ABCB6: variants seen among roughly 807,000 people sequenced by gnomAD.
The protein encoded by ABCB6 is ATP-binding cassette sub-family B member 6.
A neutral mutation model predicts 99.4 loss-of-function variants in ABCB6; 87 were observed. The ratio of observed to expected loss-of-function variants is 0.88; its 90% CI spans 0.74 to 1.05. ABCB6 has a LOEUF of 1.05. Ranked by LOEUF, ABCB6 falls within the 50% of genes least tolerant of loss-of-function variation. ABCB6 has a pLI of 0.00. For missense variants in ABCB6, 1,050 were observed against 1,097.9 expected (o/e 0.96, Z 0.62); for synonymous variants, 482 against 447.5 (o/e 1.08, Z -0.97).
At position 219,213,165 on chromosome 2, in the gene ABCB6, G is replaced by A. The variant is rs1301539679; in HGVS notation, c.1805+76C>T. 1.0e-5 allele frequency: 16 copies of A among 1,605,172 alleles called. No individual in the cohort carries two copies. The South Asian group carries it at 1.3e-4, about 13-fold the overall frequency. ...GCCCAGGCTCTTTTCCAAAAGCAGG[G>A]ATTCAGAGCACTGAGAAGCAGGAAG... On this transcript the variant is annotated intron_variant, in intron 12 of 18. Coordinates refer to ENST00000265316, the MANE Select transcript of ABCB6 (RefSeq NM_005689.4).
chr2:219,213,479 T>A lies in ABCB6; in HGVS notation c.1679A>T (p.Asp560Val), dbSNP rs1950602598. ...YYRMIQTNFI[D>V]MENMFDLLKE... Reference sequence around the variant, plus strand: ...CAGCAAGTCAAACATGTTCTCCATGTCAATGAAGTTGGTCTGGATCATCCT... The same window carrying A: ...CAGCAAGTCAAACATGTTCTCCATGACAATGAAGTTGGTCTGGATCATCCT... Residue 560 changes from aspartate to valine, a missense_variant, in exon 11 of 19, where the codon GAC becomes GTC. Coordinates refer to ENST00000265316, the MANE Select transcript of ABCB6 (RefSeq NM_005689.4). The A allele has an allele frequency of 1.2e-6, 2 of 1,614,086 alleles. No individual in the cohort carries two copies. Among genetic ancestry groups the A allele is most frequent in the South Asian group, 1.1e-5 (1 of 91,090 alleles).
rs1312320857 is a variant in ABCB6, at chr2:219,216,813, T to C, written c.707A>G (p.Gln236Arg). 1.2e-6 allele frequency: 2 copies of C among 1,612,650 alleles called. No homozygotes were observed. The highest frequency in any genetic ancestry group is 1.3e-5 in the African/African-American group (1 of 74,890). ...CCTGCCAAAATCTCGCCAGGTAGAC[T>C]GTTGGGCTGCTGACCGAACCTAGGA... is the stretch of plus-strand genomic sequence containing the variant. ...ERSQVRSAAQ[Q>R]STWRDFGRKL... Residue 236 changes from glutamine to arginine, a missense_variant, in exon 3 of 19, where the codon CAG becomes CGG. Physicochemically the swap from Gln to Arg is conservative, Grantham distance 43. Transcript: ENST00000265316. This position sits in a 1 kb window ranked among gnomAD's most constrained non-coding sequence, Gnocchi z 4.2.
chr2:219,217,772 G>A lies in ABCB6; in HGVS notation c.585C>T (p.Val195=), dbSNP rs1311259244. 1 of 1,613,886 alleles carries A rather than the reference G, an allele frequency of 6.2e-7. No individual in the cohort carries two copies. The highest frequency in any genetic ancestry group is 8.5e-7 in the Non-Finnish European group (1 of 1,179,990). ...GACCCAGGACAAACAGCCCTCCAGA[G>A]ACCACATACCGCAGCACCCACAGGC... The part of the protein sequence containing the change: ...QFSLWVLRYV[V]SGGLFVLGLW... The change falls in exon 2 of 19, where the codon GTC becomes GTT. Residue 195 remains valine (V), a synonymous_variant. Transcript: ENST00000265316.
In ABCB6 at chr2:219,217,821, T is replaced by C. The variant is rs769706768; in HGVS notation, c.550-14A>G. ...GCTAAACTGAACCTAGAATGAAATA[T>C]AAGTGGAGAGAGTATCATTGAGGAT... On this transcript the variant is annotated splice_polypyrimidine_tract_variant and intron_variant, in intron 1 of 18. Transcript: ENST00000265316. The C allele has an allele frequency of 6.2e-7, 1 of 1,609,624 alleles. No homozygotes were observed. The highest frequency in any genetic ancestry group is 8.5e-7 in the Non-Finnish European group (1 of 1,178,808).
intron 14 of ABCB6, among the ~76,000 whole-genome samples, chr2:219,211,621 C>CTTTTTT (rs34408255): frequency 1.3e-4 from 11 of 87,808 alleles, no homozygotes; most frequent in African/African-American, 1.2e-4. Context: ...ATCGTTGTAC[C>CTTTTTT]TTTTTTTTTT....
At position 219,216,011 on chromosome 2, in the gene ABCB6, G is replaced by A. The variant is rs1372644199; in HGVS notation, c.1140C>T (p.Val380=). ...TGGGGCGGCACCTGAGCAGCCCTGT[G>A]ACACTGGATGTGCCCCGATCCGCGA... ...LRIADRGTSS[V]TGLLSYLVFN... Residue 380 remains valine, a synonymous_variant, in exon 5 of 19, where the codon GTC becomes GTT. Coordinates refer to ENST00000265316, the MANE Select transcript of ABCB6 (RefSeq NM_005689.4). The surrounding 1 kb of genome is among the most constrained non-coding windows in gnomAD (Gnocchi z 4.2). 6.3e-7 allele frequency: 1 copy of A among 1,585,338 alleles called. No individual in the cohort carries two copies. Among genetic ancestry groups the A allele is most frequent in the Non-Finnish European group, 8.6e-7 (1 of 1,161,602 alleles).
rs1269691182 is a variant in ABCB6, at chr2:219,212,396, G to A, written c.1959C>T (p.Asp653=). The change falls in exon 14 of 19, where the codon GAC becomes GAT. Residue 653 remains aspartate (D), a synonymous_variant. Coordinates refer to ENST00000265316, the MANE Select transcript of ABCB6 (RefSeq NM_005689.4). ...SSGCIRIDGQ[D]ISQVTQASLR... Reference sequence around the variant, plus strand: ...TCCAGAGCAACCCTACCTGTGAAATGTCCTGCCCATCTATTCGGATGCAGC... The same window carrying A: ...TCCAGAGCAACCCTACCTGTGAAATATCCTGCCCATCTATTCGGATGCAGC... The A allele has an allele frequency of 1.9e-6, 3 of 1,614,078 alleles. No homozygotes were observed. In the South Asian group the frequency reaches 3.3e-5, roughly 18 times the overall value.
chr2:219,210,204 G>A, intron 18 of ABCB6, 26 bp downstream of exon 18: 1 of 1,613,828 alleles, frequency 6.2e-7, no homozygotes, highest in East Asian at 2.2e-5. Flanking sequence ...CAGAAGACCT[G>A]TCCTTTTGAT....
rs1950674116 is a variant in ABCB6, at chr2:219,218,364, G to T, written c.310C>A (p.Pro104Thr). 1.2e-6 allele frequency: 2 copies of T among 1,612,808 alleles called. No homozygotes were observed. The highest frequency in any genetic ancestry group is 2.7e-5 in the African/African-American group (2 of 74,946). Residue 104 changes from proline (P) to threonine (T), a missense_variant, in exon 1 of 19, where the codon CCA (proline) becomes ACA (threonine). Physicochemically the swap from Pro to Thr is conservative, Grantham distance 38. Transcript: ENST00000265316. Reference sequence around the variant, plus strand: ...ACGGAGGCCAGAAGTAGATAGCTTGGCAGTGGGGCCCCCCGGGCAGTGCCC... The same window carrying T: ...ACGGAGGCCAGAAGTAGATAGCTTGTCAGTGGGGCCCCCCGGGCAGTGCCC... ...RVGTARGAPL[P>T]SYLLLASVLE...
chr2:219,211,129 ACT>A (rs1171147108), intron 14 of ABCB6, 21 bp from the exon 15 acceptor site: 2 of 1,612,822 alleles, frequency 1.2e-6, no homozygotes, highest in Non-Finnish European at 8.5e-7. Flanking sequence ...AAGACCACAC[ACT>A]CTGCCTTATG....
intron 13 of ABCB6, 30 bp from the exon 14 acceptor site, chr2:219,212,521 G>C: frequency 6.3e-7 from 1 of 1,581,358 alleles, no homozygotes; most frequent in Non-Finnish European, 8.7e-7. Context: ...AAAAATCTCA[G>C]GCCCACTGGC....
Position 219,218,627 on chromosome 2 carries a change from G to A in ABCB6, c.47C>T (p.Pro16Leu). The stretch of plus-strand genomic sequence containing the variant: ...ACTCAGGCCATCCTGCATCCAGGCC[G>A]GACCCACGGGCCCTTCGGCCTCGCA... The part of the protein sequence containing the change: ...NYCEAEGPVG[P>L]AWMQDGLSPC... The change falls in exon 1 of 19, where the codon CCG becomes CTG. Residue 16 changes from proline (P) to leucine (L), a missense_variant. Physicochemically the swap from Pro to Leu is moderately conservative, Grantham distance 98. Transcript: ENST00000265316. 1 of 1,605,414 alleles carries A rather than the reference G, an allele frequency of 6.2e-7. No homozygotes were observed. Among genetic ancestry groups the A allele is most frequent in the South Asian group, 1.1e-5 (1 of 90,136 alleles).
In ABCB6 at chr2:219,212,367, C is replaced by T; in HGVS notation, c.1968+20G>A. On this transcript the variant is annotated intron_variant, in intron 14 of 18. Transcript: ENST00000265316. Reference sequence around the variant, plus strand: ...CACACGTAGACCCCTAAACCACCGTCTTCTCCAGAGCAACCCTACCTGTGA... The same window carrying T: ...CACACGTAGACCCCTAAACCACCGTTTTCTCCAGAGCAACCCTACCTGTGA... The T allele has an allele frequency of 1.9e-6, 3 of 1,609,418 alleles. No homozygotes were observed. Among genetic ancestry groups the T allele is most frequent in the Admixed American group, 1.7e-5 (1 of 60,020 alleles).
chr2:219,217,715 A>G lies in ABCB6; in HGVS notation c.642T>C (p.Tyr214=). The G allele has an allele frequency of 6.2e-7, 1 of 1,613,978 alleles. No individual in the cohort carries two copies. Among genetic ancestry groups the G allele is most frequent in the Non-Finnish European group, 8.5e-7 (1 of 1,179,942 alleles). ...LWAPGLRPQS[Y]TLQVHEEDQD... is the part of the protein sequence containing the mutation. The stretch of plus-strand genomic sequence containing the variant: ...GGTCCTCTTCATGAACCTGCAATGT[A>G]TAGGACTGGGGACGAAGTCCAGGGG... Residue 214 remains tyrosine, a synonymous_variant, in exon 2 of 19, where the codon TAT becomes TAC. Transcript: ENST00000265316.
At chr2:219,215,878 A>T in intron 5 of ABCB6, 119 bp downstream of exon 5, 2 of 1,167,832 alleles carry the variant, frequency 1.7e-6, no homozygotes, top group Non-Finnish European at 2.3e-6. Context: ...TATACTTTAA[A>T]AAACACCAAG....
chr2:219,217,363 A>G (rs952990000), intron 2 of ABCB6, among the ~76,000 whole-genome samples: 1 of 147,422 alleles, frequency 6.8e-6, no homozygotes, highest in Admixed American at 6.7e-5. Flanking sequence ...AAACAAAAAG[A>G]GGCCAGGCGC....
rs745439791 is a variant in ABCB6 at position 219,210,716 on chromosome 2, CCAG to C, written c.2248_2250del (p.Leu750del). The C allele has an allele frequency of 1.7e-5, 28 of 1,613,520 alleles. No homozygotes were observed. The highest frequency in any genetic ancestry group is 2.4e-5 in the Non-Finnish European group (28 of 1,180,014). ...GGAGGAGACCCAGGGCGCACCTCATCCAGCAGAATGATGCCCGGAGCCTTGAGG... is the reference window on the plus strand; with the variant it reads ...GGAGGAGACCCAGGGCGCACCTCATCCAGAATGATGCCCGGAGCCTTGAGG... On this transcript the variant is annotated inframe_deletion, in exon 16 of 19. Coordinates refer to ENST00000265316, the MANE Select transcript of ABCB6 (RefSeq NM_005689.4).
In ABCB6 at chr2:219,210,706, C is replaced by T. The variant is rs372762654; in HGVS notation, c.2256+5G>A. The T allele has an allele frequency of 5.8e-5, 93 of 1,613,358 alleles. No individual in the cohort carries two copies. Among genetic ancestry groups the T allele is most frequent in the Non-Finnish European group, 7.1e-5 (84 of 1,179,982 alleles). ...AGGAAGGAGGGGAGGAGACCCAGGG[C>T]GCACCTCATCCAGCAGAATGATGCC... On this transcript the variant is annotated splice_donor_5th_base_variant and intron_variant, in intron 16 of 18. Transcript: ENST00000265316.
rs2106421410 is a variant in ABCB6 at position 219,210,738 on chromosome 2, C to T, written c.2229G>A (p.Lys743=). The T allele has an allele frequency of 1.2e-6, 2 of 1,613,706 alleles. No individual in the cohort carries two copies. Among genetic ancestry groups the T allele is most frequent in the Non-Finnish European group, 1.7e-6 (2 of 1,180,006 alleles). ...QRVAIARTIL[K]APGIILLDEA... is the part of the protein sequence containing the mutation. ...CATCCAGCAGAATGATGCCCGGAGC[C>T]TTGAGGATGGTGCGGGCAATGGCGA... The change falls in exon 16 of 19, where the codon AAG becomes AAA. Residue 743 remains lysine (K), a synonymous_variant. Transcript: ENST00000265316.
Sources: gnomAD v4.1 joint callset for allele counts (sites outside exome capture counted in the v4.1 genomes callset) on GRCh38, gnomAD v4.1.1 for gene constraint, Gnocchi (gnomAD v3.1) non-coding constraint, MANE v1.5 for transcripts, NCBI Gene and HGNC (gene_info 2026-07-23, HGNC 2026-07-21) for gene names.